CLPB: variants seen among roughly 807,000 people sequenced by gnomAD.
CLPB encodes the protein mitochondrial disaggregase.
Under a neutral mutation model 78.4 loss-of-function variants are expected in CLPB, and 40 were observed. The ratio of observed to expected loss-of-function variants is 0.51; its 90% CI spans 0.40 to 0.66. CLPB has a LOEUF of 0.66. CLPB is among the 30% of genes least tolerant of loss of function. The pLI, the probability that CLPB is intolerant of heterozygous loss-of-function variation, is 0.00. For missense variants in CLPB, 780 were observed against 886.9 expected (o/e 0.88, Z 1.53); for synonymous variants, 333 against 348.0 (o/e 0.96, Z 0.48).
chr11:72,422,083 T>C (rs541420732), intron 2 of CLPB, among the ~76,000 whole-genome samples: 43 of 150,642 alleles, frequency 2.9e-4, no homozygotes, highest in Admixed American at 7.9e-4. Context: ...TTGGCTAACA[T>C]GGTGAAACCC....
At chr11:72,420,379 A>C (rs947946355) in intron 2 of CLPB, among the ~76,000 whole-genome samples, 1 of 152,146 alleles carries the variant, frequency 6.6e-6, no homozygotes, top group Admixed American at 6.5e-5. Flanking sequence ...CTGTAATCCC[A>C]GCTACTCGGG....
At chr11:72,385,426 T>C (rs1162123981) in intron 3 of CLPB, among the ~76,000 whole-genome samples, 2 of 152,226 alleles carry the variant, frequency 1.3e-5, no homozygotes, top group Non-Finnish European at 2.9e-5. Context: ...TCTTTCCAGT[T>C]TCTTCAATGG....
Position 72,434,332 on chromosome 11 carries a change from A to C in CLPB, c.143T>G (p.Leu48Arg), listed in dbSNP as rs1856650389. Residue 48 changes from leucine to arginine, a missense_variant, in exon 1 of 16, where the codon CTG becomes CGG. Leu to Arg is a moderately radical substitution (Grantham distance 102). Transcript: ENST00000538039. Reference sequence around the variant, plus strand: ...AGGGCGCCCCCCGGTGGCTACCCTCAGCCACTGCGGCTCCCCGAGACTCCC... The same window carrying C: ...AGGGCGCCCCCCGGTGGCTACCCTCCGCCACTGCGGCTCCCCGAGACTCCC... Reference protein sequence around the residue: ...TTGSLGEPQWLRVATGGRPGT... With the variant: ...TTGSLGEPQWRRVATGGRPGT... The C allele has an allele frequency of 6.2e-7, 1 of 1,612,162 alleles. No homozygotes were observed. Among genetic ancestry groups the C allele is most frequent in the East Asian group, 2.2e-5 (1 of 44,874 alleles).
In CLPB at chr11:72,409,909, G is replaced by A. The variant is rs1397338200; in HGVS notation, c.456-6857C>T. Among the ~76,000 whole-genome samples, 5 of 152,084 alleles carry A rather than the reference G, an allele frequency of 3.3e-5. No individual in the cohort carries two copies. In the South Asian group the frequency reaches 6.2e-4, roughly 19 times the overall value. ...GGAGAATCGCTTGAACCCAGGTGGC[G>A]GAGGTTGCAGTGAGCCGGGATTGTG... On this transcript the variant is annotated intron_variant, in intron 2 of 15. Transcript: ENST00000538039.
chr11:72,409,120 TC>T (rs768395105), intron 2 of CLPB, among the ~76,000 whole-genome samples: 117 of 152,354 alleles, frequency 7.7e-4, no homozygotes, highest in Non-Finnish European at 1.1e-3. Context: ...ACAGCCTGTG[TC>T]CAGGGGCTAG....
intron 5 of CLPB, among the ~76,000 whole-genome samples, chr11:72,332,366 G>A (rs549915390): frequency 1.7e-4 from 26 of 151,682 alleles, no homozygotes; most frequent in Non-Finnish European, 3.2e-4. Flanking sequence ...GCACATGCCC[G>A]TAATCCCAGC....
At chr11:72,405,062 C>T (rs1855667910) in intron 2 of CLPB, among the ~76,000 whole-genome samples, 1 of 152,166 alleles carries the variant, frequency 6.6e-6, no homozygotes, top group Non-Finnish European at 1.5e-5. Flanking sequence ...GCTTCTCTGA[C>T]CCTCAGTCCA....
intron 5 of CLPB, among the ~76,000 whole-genome samples, chr11:72,335,609 AC>A (rs1225843631): frequency 6.6e-6 from 1 of 152,128 alleles, no homozygotes; most frequent in Non-Finnish European, 1.5e-5. Context: ...TTTCCCTTCC[AC>A]CCCAGGTTGG....
chr11:72,362,785 A>C (rs749451394), intron 4 of CLPB, among the ~76,000 whole-genome samples: 20 of 152,228 alleles, frequency 1.3e-4, no homozygotes, highest in Non-Finnish European at 2.4e-4. Flanking sequence ...GGGCTTCCAA[A>C]AGTGTATTTT....
intron 11 of CLPB, among the ~76,000 whole-genome samples, chr11:72,298,892 C>T (rs1033721771): frequency 3.3e-5 from 5 of 152,214 alleles, no homozygotes; most frequent in Admixed American, 6.5e-5. Flanking sequence ...GCACATTATA[C>T]ACTCCCTGGG....
At chr11:72,427,418 A>ATG (rs1201532411) in intron 2 of CLPB, among the ~76,000 whole-genome samples, 1 of 152,178 alleles carries the variant, frequency 6.6e-6, no homozygotes, top group Non-Finnish European at 1.5e-5. Context: ...TGACCCAACC[A>ATG]TGTGTAACCT....
At position 72,286,220 on chromosome 11, in the gene CLPB, C is replaced by CTTTT. The variant is rs1565413576; in HGVS notation, c.*7146_*7147insAAAA. 1 of 64,072 alleles carries CTTTT rather than the reference C, an allele frequency of 1.6e-5. No homozygotes were observed. The highest frequency in any genetic ancestry group is 3.1e-4 in the East Asian group (1 of 3,252). The allele number at this position is 64,072 out of a possible 1,614,324, so 4.0% of individuals were successfully genotyped here. Reference sequence around the variant, plus strand: ...GAGATTACAGGTGTGAGATACTGCACCTGTTTTTTTTTTTTTTTTTTTTTT... The same window carrying CTTTT: ...GAGATTACAGGTGTGAGATACTGCACTTTTCTGTTTTTTTTTTTTTTTTTTTTTT... On this transcript the variant is annotated 3_prime_UTR_variant, in exon 16 of 16. Coordinates refer to ENST00000538039, the MANE Select transcript of CLPB (RefSeq NM_001258392.3).
At chr11:72,332,201 G>A (rs1950239799) in intron 5 of CLPB, among the ~76,000 whole-genome samples, 1 of 151,786 alleles carries the variant, frequency 6.6e-6, no homozygotes, top group African/African-American at 2.4e-5. Context: ...TATAATTCAA[G>A]GCCGGGCACA....
Position 72,362,367 on chromosome 11 carries a change from G to T in CLPB, c.647-3359C>A, listed in dbSNP as rs557143717. Among the ~76,000 whole-genome samples the T allele has an allele frequency of 2.6e-5, 4 of 152,184 alleles. No homozygotes were observed. In the South Asian group the frequency reaches 8.3e-4, roughly 32 times the overall value. On this transcript the variant is annotated intron_variant, in intron 4 of 15. Transcript: ENST00000538039. The stretch of plus-strand genomic sequence containing the variant: ...TAGACAAAAAACTCAATGAATACAG[G>T]AAGTGTGACTACCTTCTCCATTGCC...
chr11:72,326,627 C>T (rs1403450202), intron 6 of CLPB, among the ~76,000 whole-genome samples: 1 of 152,136 alleles, frequency 6.6e-6, no homozygotes, highest in Non-Finnish European at 1.5e-5. Context: ...CAGATAAGAT[C>T]AGAGTGACAG....
rs149157213 is a variant in CLPB at position 72,409,870 on chromosome 11, C to T, written c.456-6818G>A. 6.1e-3 allele frequency among the ~76,000 whole-genome samples: 920 copies of T among 151,886 alleles called. 13 individuals carry two copies. The highest frequency in any genetic ancestry group is 0.021 in the African/African-American group (875 of 41,396). ...CGCACGCCTGTAATCCCAGCTACTCCGGAGGCTGAGGCAGGAGAATCGCTT... is the reference window on the plus strand; with the variant it reads ...CGCACGCCTGTAATCCCAGCTACTCTGGAGGCTGAGGCAGGAGAATCGCTT... On this transcript the variant is annotated intron_variant, in intron 2 of 15. Transcript: ENST00000538039.
At chr11:72,424,845 C>G (rs1024355733) in intron 2 of CLPB, among the ~76,000 whole-genome samples, 2 of 151,884 alleles carry the variant, frequency 1.3e-5, no homozygotes, top group African/African-American at 4.8e-5. Context: ...GAGATCGCAC[C>G]ACCGCACTCC....
intron 2 of CLPB, among the ~76,000 whole-genome samples, chr11:72,406,691 A>G (rs1323067347): frequency 6.6e-6 from 1 of 152,226 alleles, no homozygotes; most frequent in Non-Finnish European, 1.5e-5. Flanking sequence ...GATGACCTGG[A>G]TAATTCAGCA....
chr11:72,302,195 A>T, intron 10 of CLPB, 109 bp downstream of exon 10: 9 of 1,243,504 alleles, frequency 7.2e-6, no homozygotes, highest in Non-Finnish European at 1.1e-5. Context: ...GCTCCCAACG[A>T]CAAATCCCAA....
Sources: gnomAD v4.1 joint callset for allele counts (sites outside exome capture counted in the v4.1 genomes callset) on GRCh38, gnomAD v4.1.1 for gene constraint, MANE v1.5 for transcripts, NCBI Gene and HGNC (gene_info 2026-07-23, HGNC 2026-07-21) for gene names.